DCLRE1C: variants seen among roughly 807,000 people sequenced by gnomAD.
The protein encoded by DCLRE1C is protein artemis.
DCLRE1C carries 47 observed loss-of-function variants against 61.4 expected under a neutral mutation model. The ratio of observed to expected loss-of-function variants is 0.77; its 90% CI spans 0.61 to 0.98. DCLRE1C has a LOEUF of 0.98. DCLRE1C is among the 50% of genes least tolerant of loss of function. The pLI is 0.00. For missense variants in DCLRE1C, 858 were observed against 816.0 expected (o/e 1.05, Z -0.63); for synonymous variants, 337 against 287.6 (o/e 1.17, Z -1.74).
intron 4 of DCLRE1C, among the ~76,000 whole-genome samples, chr10:14,937,489 C>T (rs983439167): frequency 3.3e-5 from 5 of 151,748 alleles, no homozygotes; most frequent in Admixed American, 3.3e-4. Context: ...TCACCATGTT[C>T]GCCAGGCCAG....
rs779768796 is a variant in DCLRE1C at position 14,906,268 on chromosome 10, A to G, written c.*2140T>C. The stretch of plus-strand genomic sequence containing the variant: ...GGTTGTGAAAATTAAAGGAGTTCAT[A>G]TAGTCTGTAAAAAACTTAAGAGCAT... On this transcript the variant is annotated 3_prime_UTR_variant, in exon 14 of 14. Transcript: ENST00000378278. Among the ~76,000 whole-genome samples, 2 of 152,252 alleles carry G rather than the reference A, an allele frequency of 1.3e-5. No homozygotes were observed. The highest frequency in any genetic ancestry group is 2.9e-5 in the Non-Finnish European group (2 of 68,042).
At chr10:14,937,369 T>A in intron 4 of DCLRE1C, among the ~76,000 whole-genome samples, 1 of 145,176 alleles carries the variant, frequency 6.9e-6, no homozygotes, top group Non-Finnish European at 1.5e-5. Context: ...CACTGCAACC[T>A]CTGCCTCCTG....
chr10:14,932,724 G>C (rs1034749054), intron 9 of DCLRE1C, 130 bp downstream of exon 9: 1 of 1,046,574 alleles, frequency 9.6e-7, no homozygotes, highest in African/African-American at 1.6e-5. Context: ...ATGACCTTGA[G>C]CTAACAACTT....
At chr10:14,951,554 T>C (rs1022037480) in intron 1 of DCLRE1C, among the ~76,000 whole-genome samples, 1 of 151,956 alleles carries the variant, frequency 6.6e-6, no homozygotes, top group Non-Finnish European at 1.5e-5. Flanking sequence ...TAAGGAAAGG[T>C]AGTGTTTTGG....
intron 13 of DCLRE1C, among the ~76,000 whole-genome samples, chr10:14,910,510 G>T (rs371499457): frequency 1.1e-4 from 16 of 152,102 alleles, no homozygotes; most frequent in African/African-American, 3.6e-4. Flanking sequence ...GCCCAGGTTG[G>T]TTTTGAACTC....
In DCLRE1C at chr10:14,911,687, A is replaced by G. The variant is rs554463621; in HGVS notation, c.1157-2357T>C. ...AAGAAGGTGAAAAGACAAGTCTGAG[A>G]AAATATTTCCTAATCATGTCAGATA... On this transcript the variant is annotated intron_variant, in intron 13 of 13. Transcript: ENST00000378278. Among the ~76,000 whole-genome samples the G allele has an allele frequency of 2.0e-5, 3 of 152,386 alleles. No individual in the cohort carries two copies. In the South Asian group the frequency reaches 6.2e-4, roughly 32 times the overall value.
chr10:14,933,423 G>T (rs1422411983), intron 8 of DCLRE1C, among the ~76,000 whole-genome samples: 1 of 152,186 alleles, frequency 6.6e-6, no homozygotes, highest in African/African-American at 2.4e-5. Context: ...GATCACTTGA[G>T]GTCAGGAGAT....
At chr10:14,947,091 A>G (rs1841815014) in intron 2 of DCLRE1C, among the ~76,000 whole-genome samples, 1 of 152,172 alleles carries the variant, frequency 6.6e-6, no homozygotes, top group Non-Finnish European at 1.5e-5. Context: ...ACGTGCCTGT[A>G]GTCCTAGCTG....
At position 14,950,115 on chromosome 10, in the gene DCLRE1C, C is replaced by T. The variant is rs988987136; in HGVS notation, c.110-1028G>A. ...CAGCACTTTGGGAGGCCGAGGCAGG[C>T]GGATCACCTGAGGTTGGGAGTTCGA... On this transcript the variant is annotated intron_variant, in intron 1 of 13. Transcript: ENST00000378278. 8.9e-4 allele frequency among the ~76,000 whole-genome samples: 135 copies of T among 152,066 alleles called. 1 individual carries two copies. The highest frequency in any genetic ancestry group is 3.0e-3 in the African/African-American group (125 of 41,498).
rs552163971 is a variant in DCLRE1C, at chr10:14,905,616, A to G, written c.*2792T>C. ...CTAGTTTATACTATTCAAACATTTAAGTCCTGGAACTCTTCTCCAAGATAA... is the reference window on the plus strand; with the variant it reads ...CTAGTTTATACTATTCAAACATTTAGGTCCTGGAACTCTTCTCCAAGATAA... On this transcript the variant is annotated 3_prime_UTR_variant, in exon 14 of 14. Transcript: ENST00000378278. Among the ~76,000 whole-genome samples, 5 of 152,344 alleles carry G rather than the reference A, an allele frequency of 3.3e-5. No homozygotes were observed. The South Asian group carries it at 6.2e-4, about 19-fold the overall frequency.
intron 13 of DCLRE1C, among the ~76,000 whole-genome samples, chr10:14,913,671 TACAAAAAAC>T (rs1835680996): frequency 6.6e-6 from 1 of 152,116 alleles, no homozygotes. Flanking sequence ...AAAATTAAAA[TACAAAAAAC>T]ACAAAAATTG....
chr10:14,910,067 T>C (rs755426026), intron 13 of DCLRE1C, among the ~76,000 whole-genome samples: 4 of 152,206 alleles, frequency 2.6e-5, no homozygotes, highest in Non-Finnish European at 5.9e-5. Flanking sequence ...AACTTCTTGT[T>C]CTACTGCTGA....
intron 13 of DCLRE1C, among the ~76,000 whole-genome samples, chr10:14,915,475 T>G (rs1836022751): frequency 6.6e-6 from 1 of 151,964 alleles, no homozygotes; most frequent in South Asian, 2.1e-4. Context: ...CAGTAGATTC[T>G]ACAGATAGTA....
At chr10:14,909,867 A>G (rs1834956812) in intron 13 of DCLRE1C, among the ~76,000 whole-genome samples, 1 of 152,254 alleles carries the variant, frequency 6.6e-6, no homozygotes, top group Admixed American at 6.5e-5. Flanking sequence ...GGTTAAATCA[A>G]CTTTAAAGCA....
chr10:14,912,353 G>A (rs1375138078), intron 13 of DCLRE1C, among the ~76,000 whole-genome samples: 1 of 152,130 alleles, frequency 6.6e-6, no homozygotes, highest in African/African-American at 2.4e-5. Context: ...ACTATGCCTG[G>A]CCTCCTGTTT....
intron 13 of DCLRE1C, among the ~76,000 whole-genome samples, chr10:14,909,896 G>A (rs751475961): frequency 3.3e-5 from 5 of 152,172 alleles, no homozygotes; most frequent in African/African-American, 9.7e-5. Flanking sequence ...AATAATCAAC[G>A]TGTCAAGAAC....
At chr10:14,901,175 C>A, downstream of DCLRE1C, 1 of 1,613,934 alleles carries the variant, frequency 6.2e-7, no homozygotes, top group South Asian at 1.1e-5. Flanking sequence ...CATTGATAAC[C>A]TCGATACTCG....
chr10:14,927,556 A>G (rs1357611886), intron 10 of DCLRE1C, among the ~76,000 whole-genome samples: 1 of 127,874 alleles, frequency 7.8e-6, no homozygotes, highest in Non-Finnish European at 1.6e-5. Flanking sequence ...CCAAGCACTC[A>G]GATGGGAGGG....
chr10:14,918,089 G>A (rs577446417), intron 13 of DCLRE1C, among the ~76,000 whole-genome samples: 1 of 140,400 alleles, frequency 7.1e-6, no homozygotes, highest in South Asian at 2.8e-4. Context: ...AAACCACTTT[G>A]GAAAACATTT....
Sources: gnomAD v4.1 joint callset for allele counts (sites outside exome capture counted in the v4.1 genomes callset) on GRCh38, gnomAD v4.1.1 for gene constraint, MANE v1.5 for transcripts, NCBI Gene and HGNC (gene_info 2026-07-23, HGNC 2026-07-21) for gene names.